Variants in C1RL observed in about 807,000 individuals in gnomAD.
C1RL encodes the protein complement C1r subcomponent-like protein.
C1RL carries 27 observed loss-of-function variants against 27.9 expected under a neutral mutation model. The ratio of observed to expected loss-of-function variants is 0.97; its 90% CI spans 0.71 to 1.33. The LOEUF is 1.33. Ranked by LOEUF, C1RL falls within the 40% of genes most tolerant of loss-of-function variation. C1RL has a pLI of 0.00. For synonymous variants in C1RL, 248 were observed against 252.1 expected (o/e 0.98, Z 0.15); for missense variants, 563 against 623.9 (o/e 0.90, Z 1.04).
intron 3 of C1RL, among the ~76,000 whole-genome samples, chr12:7,101,091 C>CTCCCTCCT (rs1357052045): frequency 1.5e-5 from 1 of 65,056 alleles, no homozygotes; most frequent in Non-Finnish European, 3.1e-5. Flanking sequence ...CCTTCCTTCC[C>CTCCCTCCT]TCCTTCCCTC....
At chr12:7,109,027 G>C (rs1938874038) in intron 1 of C1RL, 83 bp downstream of exon 1, 2 of 566,022 alleles carry the variant, frequency 3.5e-6, no homozygotes, top group East Asian at 1.1e-4. Context: ...GGGTAGGGTG[G>C]GGGGAGGGAG....
In C1RL at chr12:7,097,047, C is replaced by T. The variant is rs1315183279; in HGVS notation, c.808G>A (p.Gly270Arg). 4 of 1,614,104 alleles carry T rather than the reference C, an allele frequency of 2.5e-6. No homozygotes were observed. The highest frequency in any genetic ancestry group is 3.4e-6 in the Non-Finnish European group (4 of 1,179,996). ...AFTSIHGRGG[G>R]ALLGDRWILT... ...ATCCATCTGTCCCCCAGCAGGGCCC[C>T]GCCCCCACGGCCGTGGATACTGGTG... The change falls in exon 6 of 6, where the codon GGG becomes AGG. Residue 270 changes from glycine (G) to arginine (R), a missense_variant. Coordinates refer to ENST00000266542, the MANE Select transcript of C1RL (RefSeq NM_016546.4).
rs764538217 is a variant in C1RL, at chr12:7,108,966, GGT to G, written c.71+142_71+143del. 1,878 of 366,546 alleles carry G rather than the reference GGT, an allele frequency of 5.1e-3. 3 individuals carry two copies. Among genetic ancestry groups the G allele is most frequent in the East Asian group, 6.6e-3 (119 of 18,066 alleles). 22.7% of individuals were successfully genotyped at this position (366,546 alleles called of 1,614,324 possible). On this transcript the variant is annotated intron_variant, in intron 1 of 5. Transcript: ENST00000266542. ...GCTGCTGGTGTGTGTATGTGGGGGA[GGT>G]GTGTGTGTGTGTGTGTGTGTGGGGG...
At position 7,099,990 on chromosome 12, in the gene C1RL, C is replaced by T; in HGVS notation, c.527G>A (p.Arg176Lys). The T allele has an allele frequency of 6.2e-7, 1 of 1,613,810 alleles. No homozygotes were observed. Among genetic ancestry groups the T allele is most frequent in the East Asian group, 2.2e-5 (1 of 44,886 alleles). The change falls in exon 4 of 6, where the codon AGG (arginine) becomes AAG (lysine). Residue 176 changes from arginine (R) to lysine (K), a missense_variant. Transcript: ENST00000266542. ...AGGTGCGTTGATGGCCTCAGAGCCCCTGCTGGCCTCGCTGATGGGCTGACT... is the reference window on the plus strand; with the variant it reads ...AGGTGCGTTGATGGCCTCAGAGCCCTTGCTGGCCTCGCTGATGGGCTGACT... ...NYSQPISEAS[R>K]GSEAINAPGD...
chr12:7,097,106 C>G lies in C1RL; in HGVS notation c.749G>C (p.Arg250Thr), dbSNP rs755545820. Residue 250 changes from arginine to threonine, a missense_variant, in exon 6 of 6, where the codon AGA becomes ACA. By Grantham distance (71) the Arg-to-Thr change is moderately conservative. Transcript: ENST00000266542. ...CCAGGGGAAGTTGCCCAGCTTGGCT[C>G]TGGAAGAACCGAGGGTCGTCTGATT... The part of the protein sequence containing the change: ...AQNQTTLGSS[R>T]AKLGNFPWQA... 1.9e-5 allele frequency: 30 copies of G among 1,613,710 alleles called. No homozygotes were observed. Among genetic ancestry groups the G allele is most frequent in the Admixed American group, 1.3e-4 (8 of 59,952 alleles).
At chr12:7,107,215 C>T (rs1938792578) in intron 2 of C1RL, among the ~76,000 whole-genome samples, 1 of 151,634 alleles carries the variant, frequency 6.6e-6, no homozygotes, top group South Asian at 2.1e-4. Flanking sequence ...GTCACCCAGG[C>T]TGGAGTACGG....
In C1RL at chr12:7,097,060, G is replaced by A. The variant is rs1421022535; in HGVS notation, c.795C>T (p.His265=). 2.5e-6 allele frequency: 4 copies of A among 1,614,170 alleles called. No homozygotes were observed. Among genetic ancestry groups the A allele is most frequent in the East Asian group, 4.5e-5 (2 of 44,866 alleles). Reference sequence around the variant, plus strand: ...CCAGCAGGGCCCCGCCCCCACGGCCGTGGATACTGGTGAAGGCTTGCCAGG... The same window carrying A: ...CCAGCAGGGCCCCGCCCCCACGGCCATGGATACTGGTGAAGGCTTGCCAGG... ...NFPWQAFTSI[H]GRGGGALLGD... is the part of the protein sequence containing the mutation. Residue 265 remains histidine (H), a synonymous_variant, in exon 6 of 6, where the codon CAC becomes CAT. Coordinates refer to ENST00000266542, the MANE Select transcript of C1RL (RefSeq NM_016546.4).
At chr12:7,099,225 C>CAAAAAAAAAAAAAAAAAAAAAAAAA (rs1180325788) in intron 5 of C1RL, among the ~76,000 whole-genome samples, 3 of 44,372 alleles carry the variant, frequency 6.8e-5, no homozygotes, top group African/African-American at 2.5e-4. Context: ...AACTCCATCC[C>CAAAAAAAAAAAAAAAAAAAAAAAAA]AAAAAAAAAA....
At chr12:7,108,764 G>C (rs991393094) in intron 1 of C1RL, 2 of 558,410 alleles carry the variant, frequency 3.6e-6, no homozygotes, top group Non-Finnish European at 6.3e-6. Flanking sequence ...TCGTCCAAAG[G>C]AGGGGGGTGC....
Position 7,101,883 on chromosome 12 carries a change from AGGAGGGACACTCACCCAC to A in C1RL, c.487_490+14del. On this transcript the variant is annotated splice_donor_variant and splice_donor_5th_base_variant and coding_sequence_variant and intron_variant, in exon 3 of 6. Transcript: ENST00000266542. LOFTEE classifies it high-confidence loss of function. ...ACAGAGGCTCCCTCCCTGCACCCCC[AGGAGGGACACTCACCCAC>A]GGTTTGGTAGAGGGCCAGGAAGCCC... 6.2e-7 allele frequency: 1 copy of A among 1,611,454 alleles called. No homozygotes were observed. Among genetic ancestry groups the A allele is most frequent in the Non-Finnish European group, 8.5e-7 (1 of 1,177,652 alleles).
rs750373362 is a variant in C1RL at position 7,097,308 on chromosome 12, G to T, written c.692-145C>A. The T allele has an allele frequency of 2.1e-4, 151 of 713,710 alleles. 2 individuals are homozygous for T. In the East Asian group the frequency reaches 4.0e-3, roughly 19 times the overall value. The allele number at this position is 713,710 out of a possible 1,614,324, so 44.2% of individuals were successfully genotyped here. On this transcript the variant is annotated intron_variant, in intron 5 of 5. Coordinates refer to ENST00000266542, the MANE Select transcript of C1RL (RefSeq NM_016546.4). ...GTTTTTTTTTTTTTTTTGATATCGA[G>T]TTTCGCTCTTGTTGCCCAGACTGGA...
chr12:7,098,243 C>T (rs993116784), intron 5 of C1RL: 1 of 152,224 alleles, frequency 6.6e-6, no homozygotes, highest in Non-Finnish European at 1.5e-5. Flanking sequence ...TGCACTCCAG[C>T]CTGGGCGACA....
At chr12:7,097,572 G>A (rs898129423) in intron 5 of C1RL, among the ~76,000 whole-genome samples, 1 of 152,110 alleles carries the variant, frequency 6.6e-6, no homozygotes, top group Non-Finnish European at 1.5e-5. Context: ...GTGAGGCACC[G>A]CGCCTGGCCG....
At position 7,108,350 on chromosome 12, in the gene C1RL, G is replaced by T. The variant is rs534316475; in HGVS notation, c.201C>A (p.Ser67Arg). Residue 67 changes from serine (S) to arginine (R), a missense_variant, in exon 2 of 6, where the codon AGC (serine) becomes AGA (arginine). Ser to Arg is a moderately radical substitution (Grantham distance 110). Coordinates refer to ENST00000266542, the MANE Select transcript of C1RL (RefSeq NM_016546.4). ...CCTCTGGAGCCTTGATGTCCGTGCT[G>T]CTCTCTTGGCCTTTGCCATACGGCT... ...YPEPYGKGQE[S>R]STDIKAPEGF... The T allele has an allele frequency of 1.7e-5, 27 of 1,614,272 alleles. No homozygotes were observed. In the South Asian group the frequency reaches 2.5e-4, roughly 15 times the overall value.
In C1RL at chr12:7,096,228, T is replaced by G; in HGVS notation, c.*163A>C. ...ATGGGGCGGGCTTGCCGGGTGGGGG[T>G]TTCTCTTGCAGTGGCTTGGTGCAAC... On this transcript the variant is annotated 3_prime_UTR_variant, in exon 6 of 6. Transcript: ENST00000266542. 5.1e-6 allele frequency: 7 copies of G among 1,367,900 alleles called. No homozygotes were observed. In the South Asian group the frequency reaches 5.5e-5, roughly 11 times the overall value. 84.7% of individuals were successfully genotyped at this position (1,367,900 alleles called of 1,614,324 possible).
rs1938831191 is a variant in C1RL, at chr12:7,108,481, T to A, written c.72-2A>T. Reference sequence around the variant, plus strand: ...ACTCCCCAGAGAAGCAGCCACCACCTGTGAGTTGGGGGGAGGGCAAGGTGG... The same window carrying A: ...ACTCCCCAGAGAAGCAGCCACCACCAGTGAGTTGGGGGGAGGGCAAGGTGG... On this transcript the variant is annotated splice_acceptor_variant, in intron 1 of 5. Transcript: ENST00000266542. LOFTEE classifies it high-confidence loss of function. 1 of 1,581,960 alleles carries A rather than the reference T, an allele frequency of 6.3e-7. No individual in the cohort carries two copies. Among genetic ancestry groups the A allele is most frequent in the Non-Finnish European group, 8.6e-7 (1 of 1,160,408 alleles).
Position 7,099,986 on chromosome 12 carries a change from G to A in C1RL, c.531C>T (p.Gly177=). 2 of 1,613,876 alleles carry A rather than the reference G, an allele frequency of 1.2e-6. No individual in the cohort carries two copies. Among genetic ancestry groups the A allele is most frequent in the Non-Finnish European group, 1.7e-6 (2 of 1,179,952 alleles). ...CTCCAGGTGCGTTGATGGCCTCAGA[G>A]CCCCTGCTGGCCTCGCTGATGGGCT... is the stretch of plus-strand genomic sequence containing the variant. The part of the protein sequence containing the change: ...YSQPISEASR[G]SEAINAPGDN... The change falls in exon 4 of 6, where the codon GGC becomes GGT. Residue 177 remains glycine, a synonymous_variant. Coordinates refer to ENST00000266542, the MANE Select transcript of C1RL (RefSeq NM_016546.4).
chr12:7,096,430 A>G lies in C1RL; in HGVS notation c.1425T>C (p.Tyr475=). 1.2e-6 allele frequency: 2 copies of G among 1,613,482 alleles called. No individual in the cohort carries two copies. Among genetic ancestry groups the G allele is most frequent in the South Asian group, 2.2e-5 (2 of 91,016 alleles). ...TCATCACTCCCTTGATCCAGTCCAC[A>G]TAGCTGAGCACCTTGGTGTAGAAGT... ...GYDFYTKVLS[Y]VDWIKGVMNG... is the part of the protein sequence containing the mutation. The change falls in exon 6 of 6, where the codon TAT becomes TAC. Residue 475 remains tyrosine (Y), a synonymous_variant. Transcript: ENST00000266542.
Position 7,099,736 on chromosome 12 carries a change from C to G in C1RL, c.641G>C (p.Gly214Ala). 6.4e-7 allele frequency: 1 copy of G among 1,571,936 alleles called. No homozygotes were observed. The highest frequency in any genetic ancestry group is 8.6e-7 in the Non-Finnish European group (1 of 1,158,188). ...CCCATCCTGTCTGTCTTTCCAGGTC[C>G]CTGGGGTTGCACAGGTGAGTGCCCC... The part of the protein sequence containing the change: ...AAGALTCATP[G>A]TWKDRQDGEE... Residue 214 changes from glycine (G) to alanine (A), a missense_variant, in exon 5 of 6, where the codon GGG becomes GCG. Physicochemically the swap from Gly to Ala is moderately conservative, Grantham distance 60. Coordinates refer to ENST00000266542, the MANE Select transcript of C1RL (RefSeq NM_016546.4).
Sources: gnomAD v4.1 joint callset for allele counts (sites outside exome capture counted in the v4.1 genomes callset) on GRCh38, gnomAD v4.1.1 for gene constraint, MANE v1.5 for transcripts, NCBI Gene and HGNC (gene_info 2026-07-23, HGNC 2026-07-21) for gene names.